Variants in PCDH15 observed in about 807,000 individuals in gnomAD.
The protein encoded by PCDH15 is protocadherin related 15.
Under a neutral mutation model 178.5 loss-of-function variants are expected in PCDH15, and 129 were observed. That is an observed-to-expected ratio of 0.72 (90% CI 0.63 to 0.84). The LOEUF is 0.84. PCDH15 is among the 40% of genes least tolerant of loss of function. PCDH15 has a pLI of 0.00. For missense variants in PCDH15, 2,230 were observed against 2,099.9 expected, an observed-to-expected ratio of 1.06 and a Z score of -1.21; for synonymous variants, 800 against 732.0, an observed-to-expected ratio of 1.09 and a Z score of -1.50.
At chr10:54,006,961 T>C (rs1211184041) in intron 20 of PCDH15, among the ~76,000 whole-genome samples, 3 of 152,206 alleles carry the variant, frequency 2.0e-5, no homozygotes, top group Non-Finnish European at 2.9e-5. Flanking sequence ...TGTCTCCCTC[T>C]CTCCTACTCC....
At chr10:55,396,405 G>C (rs575746208) in intron 2 of PCDH15, among the ~76,000 whole-genome samples, 1 of 152,234 alleles carries the variant, frequency 6.6e-6, no homozygotes, top group East Asian at 1.9e-4. Flanking sequence ...AATATATCTG[G>C]TTAGATTTTT....
chr10:55,598,098 C>T (rs990631156), intron 2 of PCDH15, among the ~76,000 whole-genome samples: 1 of 151,982 alleles, frequency 6.6e-6, no homozygotes, highest in African/African-American at 2.4e-5. Flanking sequence ...GTATGACTAA[C>T]CTATACAATA....
chr10:53,843,962 CAG>C (rs1279202256), intron 28 of PCDH15, among the ~76,000 whole-genome samples: 1 of 152,038 alleles, frequency 6.6e-6, no homozygotes, highest in Non-Finnish European at 1.5e-5. Flanking sequence ...AGACAAGTAA[CAG>C]ATCATGGATT....
chr10:55,158,132 T>C (rs1838948896), intron 2 of PCDH15, among the ~76,000 whole-genome samples: 1 of 150,922 alleles, frequency 6.6e-6, no homozygotes, highest in Non-Finnish European at 1.5e-5. Flanking sequence ...GTTGCCACTC[T>C]AGAAGTGAAG....
At chr10:54,995,632 C>T (rs970614025) in intron 2 of PCDH15, among the ~76,000 whole-genome samples, 1 of 150,802 alleles carries the variant, frequency 6.6e-6, no homozygotes, top group African/African-American at 2.4e-5. Flanking sequence ...TTAACCCTCC[C>T]CCCCACGCCC....
At chr10:55,569,607 A>G (rs1389361647) in intron 2 of PCDH15, among the ~76,000 whole-genome samples, 1 of 152,060 alleles carries the variant, frequency 6.6e-6, no homozygotes, top group East Asian at 1.9e-4. Context: ...AATAATTTCA[A>G]ATGAAACATC....
intron 8 of PCDH15, among the ~76,000 whole-genome samples, chr10:54,244,809 G>A (rs1487521126): frequency 1.3e-5 from 2 of 152,134 alleles, no homozygotes; most frequent in Non-Finnish European, 2.9e-5. Context: ...TGACAAGCAT[G>A]ACCCACTCTG....
At chr10:54,011,497 G>GTT (rs2092584968) in intron 20 of PCDH15, among the ~76,000 whole-genome samples, 2 of 152,138 alleles carry the variant, frequency 1.3e-5, no homozygotes, top group Non-Finnish European at 2.9e-5. Context: ...GCTACAATGT[G>GTT]TAGCCTGGGA....
rs1365109744 is a variant in PCDH15, at chr10:55,466,380, A to G, written c.-156+161245T>C. Among the ~76,000 whole-genome samples the G allele has an allele frequency of 3.3e-5, 5 of 152,180 alleles. No individual in the cohort carries two copies. The East Asian group carries it at 9.6e-4, about 29-fold the overall frequency. On this transcript the variant is annotated intron_variant, in intron 2 of 5. Coordinates refer to the PCDH15 transcript ENST00000613346. ...AGGAGTTTAATATCTAATTGGAGGT[A>G]GCAGAAATATTATGTGATGATCCAC...
intron 24 of PCDH15, among the ~76,000 whole-genome samples, chr10:53,940,178 CT>C (rs1441657480): frequency 2.0e-5 from 3 of 150,594 alleles, no homozygotes; most frequent in Non-Finnish European, 4.5e-5. Flanking sequence ...CTACAATATA[CT>C]AGGCTATCTA....
chr10:54,553,006 AT>A (rs1162019566), intron 2 of PCDH15, among the ~76,000 whole-genome samples: 2 of 152,104 alleles, frequency 1.3e-5, no homozygotes, highest in Non-Finnish European at 2.9e-5. Context: ...TATGTCATGG[AT>A]TTTTTCCATT....
At chr10:55,037,911 A>C (rs1840777275) in intron 2 of PCDH15, among the ~76,000 whole-genome samples, 1 of 152,200 alleles carries the variant, frequency 6.6e-6, no homozygotes, top group East Asian at 1.9e-4. Context: ...TACCTAGCGC[A>C]TATGACTTTC....
chr10:54,211,465 T>G (rs773816381), intron 10 of PCDH15, among the ~76,000 whole-genome samples: 11 of 152,192 alleles, frequency 7.2e-5, no homozygotes, highest in African/African-American at 1.2e-4. Flanking sequence ...GTTTGTGAAC[T>G]ATTCCATTTT....
At chr10:54,551,141 T>C (rs532090831) in intron 2 of PCDH15, among the ~76,000 whole-genome samples, 5 of 107,408 alleles carry the variant, frequency 4.7e-5, no homozygotes, top group Non-Finnish European at 8.6e-5. Flanking sequence ...GGCTACAGGC[T>C]GAGACTCTGT....
At chr10:54,834,420 T>A (rs1591729794) in intron 3 of PCDH15, among the ~76,000 whole-genome samples, 1 of 151,734 alleles carries the variant, frequency 6.6e-6, no homozygotes, top group Non-Finnish European at 1.5e-5. Flanking sequence ...CTCAGGTGAT[T>A]CGCCCGCCTC....
chr10:54,260,242 T>G (rs895989985), intron 8 of PCDH15, among the ~76,000 whole-genome samples: 2 of 152,188 alleles, frequency 1.3e-5, no homozygotes, highest in African/African-American at 4.8e-5. Context: ...TTTCCATGTG[T>G]TCTTTCTGGG....
chr10:54,710,956 A>T, intron 1 of PCDH15, among the ~76,000 whole-genome samples: 1 of 151,984 alleles, frequency 6.6e-6, no homozygotes, highest in East Asian at 1.9e-4. Context: ...GCAGGCATAA[A>T]CCGGATTGCT....
At chr10:54,592,571 C>A (rs953118131) in intron 2 of PCDH15, among the ~76,000 whole-genome samples, 1 of 152,008 alleles carries the variant, frequency 6.6e-6, no homozygotes, top group Non-Finnish European at 1.5e-5. Context: ...TAGGTATATG[C>A]CACATTTTCC....
intron 8 of PCDH15, among the ~76,000 whole-genome samples, chr10:54,290,458 C>T (rs560004483): frequency 1.3e-5 from 2 of 152,284 alleles, no homozygotes; most frequent in South Asian, 4.2e-4. Flanking sequence ...ATTGTAAAGA[C>T]CATGGATGCT....
Sources: allele counts gnomAD v4.1 joint callset (sites outside exome capture counted in the v4.1 genomes callset), GRCh38; gene constraint gnomAD v4.1.1; transcripts MANE v1.5; gene names NCBI Gene and HGNC (gene_info 2026-07-23, HGNC 2026-07-21).